The following ELP4 variants were observed in gnomAD, a reference collection of about 807,000 sequenced individuals.
ELP4 encodes elongator acetyltransferase complex subunit 4, also known as elongator complex protein 4.
ELP4 carries 51 observed loss-of-function variants against 48.9 expected under a neutral mutation model. The observed-to-expected ratio is 1.04, with a 90% confidence interval of 0.83 to 1.32. The LOEUF is 1.32. Among genes scored for constraint, ELP4 ranks in the 40% most tolerant of loss-of-function variants. The probability of loss-of-function intolerance (pLI) is 0.00; values close to 1 mark genes in which losing one functional copy is unlikely to be tolerated. For synonymous variants in ELP4, 210 were observed against 189.2 expected (o/e 1.11, Z -0.90); for missense variants, 519 against 514.6 (o/e 1.01, Z -0.08).
At chr11:31,581,239 C>T (rs972838102) in intron 3 of ELP4, among the ~76,000 whole-genome samples, 1 of 152,142 alleles carries the variant, frequency 6.6e-6, no homozygotes, top group Non-Finnish European at 1.5e-5. Flanking sequence ...ATCATTCTAG[C>T]AACTGCCTTG....
chr11:31,536,366 G>A (rs561172033), intron 2 of ELP4, among the ~76,000 whole-genome samples: 1 of 152,094 alleles, frequency 6.6e-6, no homozygotes, highest in African/African-American at 2.4e-5. Flanking sequence ...GTTCTGATTT[G>A]TTTGAGACGG....
At chr11:31,770,917 G>C (rs1948128798) in intron 9 of ELP4, among the ~76,000 whole-genome samples, 1 of 152,018 alleles carries the variant, frequency 6.6e-6, no homozygotes, top group Non-Finnish European at 1.5e-5. Context: ...AGCTTTCCAG[G>C]AATAATCTAG....
At chr11:31,532,164 C>T (rs528350535) in intron 2 of ELP4, among the ~76,000 whole-genome samples, 2 of 152,250 alleles carry the variant, frequency 1.3e-5, no homozygotes, top group Admixed American at 1.3e-4. Flanking sequence ...TACCAAATAA[C>T]TTAACGAATT....
intron 8 of ELP4, chr11:31,648,087 G>A: frequency 3.3e-6 from 1 of 305,174 alleles, no homozygotes; most frequent in South Asian, 6.2e-5. Flanking sequence ...GCTGAGTCAG[G>A]TGTATATTTT....
chr11:31,635,261 C>G (rs920996463), intron 7 of ELP4, among the ~76,000 whole-genome samples: 7 of 151,904 alleles, frequency 4.6e-5, no homozygotes, highest in Non-Finnish European at 1.0e-4. Context: ...ATACATATAA[C>G]CAGGGCACTG....
chr11:31,681,988 G>A (rs1026856764), intron 9 of ELP4: 36 of 1,072,114 alleles, frequency 3.4e-5, no homozygotes, highest in South Asian at 2.9e-4. Flanking sequence ...TGATTCATCC[G>A]CCTCAGCCTC....
chr11:31,698,496 T>G (rs908926748), intron 9 of ELP4, among the ~76,000 whole-genome samples: 12 of 152,176 alleles, frequency 7.9e-5, no homozygotes, highest in African/African-American at 2.9e-4. Flanking sequence ...CACTGCAACC[T>G]ACATCTCCTG....
intron 9 of ELP4, among the ~76,000 whole-genome samples, chr11:31,708,783 A>G (rs1946684005): frequency 1.3e-5 from 2 of 152,156 alleles, no homozygotes; most frequent in Admixed American, 1.3e-4. Context: ...TATATTCTGA[A>G]TCAAATATAT....
At chr11:31,609,772 C>T (rs1957941983) in intron 5 of ELP4, among the ~76,000 whole-genome samples, 1 of 152,070 alleles carries the variant, frequency 6.6e-6, no homozygotes, top group African/African-American at 2.4e-5. Flanking sequence ...TGAGTCATGC[C>T]TCTAATCCCA....
At chr11:31,558,841 A>G (rs1445476551) in intron 3 of ELP4, among the ~76,000 whole-genome samples, 1 of 152,222 alleles carries the variant, frequency 6.6e-6, no homozygotes, top group East Asian at 1.9e-4. Context: ...TTCAAAAGAA[A>G]TAATAAAATA....
At chr11:31,694,902 A>G (rs1946366219) in intron 9 of ELP4, among the ~76,000 whole-genome samples, 1 of 152,018 alleles carries the variant, frequency 6.6e-6, no homozygotes, top group East Asian at 1.9e-4. Context: ...ATTCCTAGGT[A>G]TTTTATTCTC....
intron 9 of ELP4, among the ~76,000 whole-genome samples, chr11:31,704,826 C>T (rs1010149457): frequency 6.6e-6 from 1 of 151,818 alleles, no homozygotes; most frequent in Non-Finnish European, 1.5e-5. Flanking sequence ...GCCTGGCCAA[C>T]ATGGTGGAAC....
intron 9 of ELP4, among the ~76,000 whole-genome samples, chr11:31,664,906 A>AT (rs1945639591): frequency 6.6e-6 from 1 of 152,166 alleles, no homozygotes; most frequent in Admixed American, 6.5e-5. Flanking sequence ...TCAATGCGCA[A>AT]TTAATAATGT....
chr11:31,755,929 G>T (rs1297949976), intron 9 of ELP4, among the ~76,000 whole-genome samples: 1 of 152,166 alleles, frequency 6.6e-6, no homozygotes, highest in African/African-American at 2.4e-5. Context: ...TGTGGAGAGA[G>T]ACTAGGAGAC....
At chr11:31,777,442 C>T (rs935369820) in intron 9 of ELP4, among the ~76,000 whole-genome samples, 8 of 152,116 alleles carry the variant, frequency 5.3e-5, no homozygotes, top group African/African-American at 9.7e-5. Context: ...ATGGGGCCCC[C>T]GCAGTCAGCT....
intron 3 of ELP4, among the ~76,000 whole-genome samples, chr11:31,543,428 T>C (rs1956626546): frequency 6.6e-6 from 1 of 152,116 alleles, no homozygotes; most frequent in African/African-American, 2.4e-5. Flanking sequence ...CATGCCATTC[T>C]CCTGCCTCAG....
At chr11:31,563,609 CTG>C (rs969719087) in intron 3 of ELP4, among the ~76,000 whole-genome samples, 5 of 151,978 alleles carry the variant, frequency 3.3e-5, no homozygotes, top group Admixed American at 6.6e-5. Flanking sequence ...AGGAGAAAAA[CTG>C]TTGTTTTGTT....
intron 3 of ELP4, 143 bp from the exon 4 acceptor site, chr11:31,594,625 CTA>C (rs769864703): frequency 5.5e-5 from 26 of 469,552 alleles, no homozygotes; most frequent in Non-Finnish European, 9.0e-5. Flanking sequence ...TTAGAAATGT[CTA>C]TTTTTATGAA....
At chr11:31,577,005 C>G (rs1957294813) in intron 3 of ELP4, among the ~76,000 whole-genome samples, 1 of 152,094 alleles carries the variant, frequency 6.6e-6, no homozygotes, top group South Asian at 2.1e-4. Context: ...AATCCAGGAG[C>G]TGGTTTTTTG....
Sources: gnomAD v4.1 joint callset for allele counts (sites outside exome capture counted in the v4.1 genomes callset) on GRCh38, gnomAD v4.1.1 for gene constraint, MANE v1.5 for transcripts, NCBI Gene and HGNC (gene_info 2026-07-23, HGNC 2026-07-21) for gene names.